Variants in COL11A1 observed in about 807,000 individuals in gnomAD.
The protein encoded by COL11A1 is collagen alpha-1(XI) chain.
COL11A1 carries 74 observed loss-of-function variants against 265.2 expected under a neutral mutation model. That is an observed-to-expected ratio of 0.28 (90% confidence interval 0.23 to 0.34). COL11A1 has a LOEUF of 0.34. COL11A1 is among the 10% of genes least tolerant of loss of function. The pLI is 1.00. For synonymous variants in COL11A1, 816 were observed against 727.6 expected, an observed-to-expected ratio of 1.12 and a Z score of -1.96; for missense variants, 2,165 against 2,263.6, an observed-to-expected ratio of 0.96 and a Z score of 0.88.
At chr1:103,021,851 T>C in intron 8 of COL11A1, 82 bp from the exon 9 acceptor site, 1 of 1,085,518 alleles carries the variant, frequency 9.2e-7, no homozygotes, top group Non-Finnish European at 1.4e-6. Context: ...TTTTTTTTTC[T>C]TTCTTTCTTT....
rs771925794 is a variant in COL11A1, at chr1:102,961,896, C to A, written c.3138G>T (p.Gly1046=). 6.2e-7 allele frequency: 1 copy of A among 1,613,128 alleles called. No homozygotes were observed. Among genetic ancestry groups the A allele is most frequent in the African/African-American group, 1.3e-5 (1 of 74,924 alleles). Residue 1046 remains glycine, a synonymous_variant, in exon 41 of 67, where the codon GGG becomes GGT. Coordinates refer to ENST00000370096, the MANE Select transcript of COL11A1 (RefSeq NM_001854.4). ...GAQGAPGLKG[G]EGPQGPPGPV... is the part of the protein sequence containing the mutation. The stretch of plus-strand genomic sequence containing the variant: ...GACCTGGTGGGCCCTGGGGACCTTC[C>A]CCTCCTTTCAGTCCAGGTGCACCCT...
rs1416193500 is a variant in COL11A1 at position 102,920,328 on chromosome 1, C to T, written c.3745G>A (p.Gly1249Ser). The T allele has an allele frequency of 6.2e-7, 1 of 1,613,276 alleles. No individual in the cohort carries two copies. The highest frequency in any genetic ancestry group is 1.7e-5 in the Admixed American group (1 of 60,008). ...ATATTTACCTTTTCTCCAACACCACCAACTGAACCAACAGACCCTGGGGGT... is the reference window on the plus strand; with the variant it reads ...ATATTTACCTTTTCTCCAACACCACTAACTGAACCAACAGACCCTGGGGGT... The part of the protein sequence containing the change: ...QGPPGSVGSV[G>S]GVGEKGEPGE... The change falls in exon 49 of 67, where the codon GGT (glycine) becomes AGT (serine). Residue 1249 changes from glycine to serine, a missense_variant. Gly to Ser is a moderately conservative substitution (Grantham distance 56). Transcript: ENST00000370096.
intron 9 of COL11A1, among the ~76,000 whole-genome samples, chr1:103,020,911 G>A (rs555033906): frequency 7.0e-4 from 97 of 137,822 alleles, no homozygotes; most frequent in African/African-American, 2.0e-3. Flanking sequence ...GATATGCAGC[G>A]TTATTTCTGA....
chr1:103,009,027 G>T (rs756924198), intron 14 of COL11A1, among the ~76,000 whole-genome samples: 1 of 152,126 alleles, frequency 6.6e-6, no homozygotes, highest in Non-Finnish European at 1.5e-5. Context: ...TATAATTGCC[G>T]TGAAATAGTG....
chr1:102,995,456 G>A (rs1230853935), intron 28 of COL11A1, among the ~76,000 whole-genome samples: 1 of 151,414 alleles, frequency 6.6e-6, no homozygotes, highest in Non-Finnish European at 1.5e-5. Flanking sequence ...TTCCTGTTTT[G>A]TGCTGAATTT....
chr1:102,889,330 CTT>C (rs1172399632), intron 59 of COL11A1, 123 bp downstream of exon 59: 5 of 761,278 alleles, frequency 6.6e-6, no homozygotes, highest in South Asian at 1.5e-5. Flanking sequence ...ACATTACTGA[CTT>C]AAATTAGAAT....
Position 102,913,700 on chromosome 1 carries a change from G to T in COL11A1, c.3979-10C>A. The T allele has an allele frequency of 1.2e-6, 2 of 1,612,446 alleles. No homozygotes were observed. The highest frequency in any genetic ancestry group is 1.3e-5 in the African/African-American group (1 of 74,920). On this transcript the variant is annotated splice_polypyrimidine_tract_variant and intron_variant, in intron 52 of 66. Transcript: ENST00000370096. ...CAACACCATCTTGACCCTATAAGAG[G>T]CAATAAAATATGAAGCAAGATATAT...
At chr1:103,059,126 A>G (rs976277481) in intron 4 of COL11A1, among the ~76,000 whole-genome samples, 2 of 152,194 alleles carry the variant, frequency 1.3e-5, no homozygotes, top group African/African-American at 2.4e-5. Context: ...CATAAAGAAA[A>G]GCATGATATA....
At chr1:103,102,881 G>C (rs930194505) in intron 1 of COL11A1, among the ~76,000 whole-genome samples, 1 of 151,950 alleles carries the variant, frequency 6.6e-6, no homozygotes, top group Non-Finnish European at 1.5e-5. Flanking sequence ...ACTAGTTGAA[G>C]ACTGGACTTC....
At chr1:103,098,104 C>T (rs1030284506) in intron 1 of COL11A1, among the ~76,000 whole-genome samples, 2 of 151,918 alleles carry the variant, frequency 1.3e-5, no homozygotes, top group Non-Finnish European at 2.9e-5. Flanking sequence ...TAAAATTATA[C>T]TTCCAATATA....
At chr1:103,082,724 A>G in intron 2 of COL11A1, 81 bp downstream of exon 2, 1 of 1,177,740 alleles carries the variant, frequency 8.5e-7, no homozygotes. Context: ...TAGTAAAGAA[A>G]TACTAAAAGT....
chr1:103,012,328 A>T, intron 14 of COL11A1, 85 bp downstream of exon 14: 5 of 955,850 alleles, frequency 5.2e-6, no homozygotes, highest in Non-Finnish European at 8.5e-6. Flanking sequence ...CCAACCATAG[A>T]TATGCACAAT....
chr1:102,877,352 C>A lies in COL11A1; in HGVS notation c.*667G>T, dbSNP rs984888723. The stretch of plus-strand genomic sequence containing the variant: ...TGACTGTCGGCAGAGAAGAGTTGAT[C>A]AGAGTGTGCTTCCAAAAGTCTTCCA... On this transcript the variant is annotated 3_prime_UTR_variant, in exon 67 of 67. Transcript: ENST00000370096. 2 of 152,560 alleles carry A rather than the reference C, an allele frequency of 1.3e-5. No homozygotes were observed. Among genetic ancestry groups the A allele is most frequent in the South Asian group, 2.1e-4 (1 of 4,828 alleles). 9.5% of individuals were successfully genotyped at this position (152,560 alleles called of 1,614,324 possible). A position where few individuals can be genotyped will look rare whatever the true frequency, so the allele number is the denominator to read the frequency against.
rs11381607 is a variant in COL11A1 at position 103,022,013 on chromosome 1, A to ATTT, written c.1246-247_1246-245dup. Reference sequence around the variant, plus strand: ...AGGCGCCCGCCACCACACCTAGCTAATTTTTTTTTTTTTTGTATTTTTAGT... The same window carrying ATTT: ...AGGCGCCCGCCACCACACCTAGCTAATTTTTTTTTTTTTTTTTGTATTTTTAGT... On this transcript the variant is annotated intron_variant, in intron 8 of 66. Coordinates refer to ENST00000370096, the MANE Select transcript of COL11A1 (RefSeq NM_001854.4). 5.3e-3 allele frequency among the ~76,000 whole-genome samples: 736 copies of ATTT among 139,576 alleles called. 8 individuals are homozygous for ATTT. The highest frequency in any genetic ancestry group is 0.018 in the African/African-American group (692 of 37,852). The allele number at this position is 139,576 out of a possible 152,430, so 91.6% of individuals were successfully genotyped here.
At chr1:103,041,059 G>A (rs978317100) in intron 4 of COL11A1, among the ~76,000 whole-genome samples, 2 of 151,540 alleles carry the variant, frequency 1.3e-5, no homozygotes, top group African/African-American at 4.8e-5. Flanking sequence ...TTAACACTTA[G>A]ACTCAAAAGA....
rs1467307775 is a variant in COL11A1, at chr1:102,922,819, T to C, written c.3654+517A>G. Among the ~76,000 whole-genome samples the C allele has an allele frequency of 2.0e-5, 3 of 152,156 alleles. No individual in the cohort carries two copies. The East Asian group carries it at 5.8e-4, about 29-fold the overall frequency. ...AGAATAAAACCTAACAGACAAGTGT[T>C]AAAATTTCAAAATGTGTATTTTGAA... On this transcript the variant is annotated intron_variant, in intron 47 of 66. Coordinates refer to ENST00000370096, the MANE Select transcript of COL11A1 (RefSeq NM_001854.4).
At chr1:102,893,875 C>T (rs1652065921) in intron 57 of COL11A1, among the ~76,000 whole-genome samples, 1 of 152,152 alleles carries the variant, frequency 6.6e-6, no homozygotes, top group Admixed American at 6.6e-5. Context: ...CTACAGATAA[C>T]TTAAATGTAG....
intron 24 of COL11A1, 29 bp from the exon 25 acceptor site, chr1:102,998,392 G>T (rs1025995819): frequency 4.0e-6 from 6 of 1,482,952 alleles, no homozygotes; most frequent in Admixed American, 2.1e-5. Context: ...ATATTAAAAA[G>T]ATAAAAATAA....
chr1:103,092,450 T>C (rs977766486), intron 1 of COL11A1, among the ~76,000 whole-genome samples: 13 of 152,114 alleles, frequency 8.5e-5, no homozygotes, highest in African/African-American at 3.1e-4. Context: ...TCAAAATTTG[T>C]CAAATCTTAT....
Sources: allele counts gnomAD v4.1 joint callset (sites outside exome capture counted in the v4.1 genomes callset), GRCh38; gene constraint gnomAD v4.1.1; transcripts MANE v1.5; gene names NCBI Gene and HGNC (gene_info 2026-07-23, HGNC 2026-07-21).